The following FKBP1B variants were observed in gnomAD, a reference collection of about 807,000 sequenced individuals.
FKBP1B encodes peptidyl-prolyl cis-trans isomerase FKBP1B.
Under a neutral mutation model 13.5 loss-of-function variants are expected in FKBP1B, and 4 were observed. That is an observed-to-expected ratio of 0.30 (90% CI 0.15 to 0.68). The LOEUF (loss-of-function observed/expected upper bound fraction) is 0.68, where lower values mean the gene tolerates loss of function less well. Among genes scored for constraint, FKBP1B ranks in the 30% least tolerant of loss-of-function variants. FKBP1B has a pLI of 0.76. For synonymous variants in FKBP1B, 54 were observed against 53.6 expected (o/e 1.01, Z -0.03); for missense variants, 93 against 136.2 (o/e 0.68, Z 1.58).
At chr2:24,062,905 G>C in intron 3 of FKBP1B, 159 bp from the exon 4 acceptor site, 1 of 1,095,692 alleles carries the variant, frequency 9.1e-7, no homozygotes, top group African/African-American at 1.6e-5. Context: ...TGTTAAAGCT[G>C]TTAGCACGAT....
intron 2 of FKBP1B, chr2:24,054,237 G>A (rs1664018173): frequency 3.3e-6 from 2 of 602,698 alleles, no homozygotes; most frequent in Admixed American, 5.6e-5. Context: ...TGCAGGTATG[G>A]TGGAGCCCCT....
chr2:24,058,324 TG>T (rs1307226603), intron 2 of FKBP1B, among the ~76,000 whole-genome samples: 15 of 152,328 alleles, frequency 9.8e-5, no homozygotes, highest in African/African-American at 3.6e-4. Context: ...TTGATTTTTT[TG>T]TGTGTGGATT....
the FKBP1B span, chr2:24,039,178 C>A: frequency 1.2e-6 from 2 of 1,614,114 alleles, no homozygotes; most frequent in African/African-American, 2.7e-5. Flanking sequence ...TCTAATCTCA[C>A]AAGTCTGAGA....
chr2:24,061,357 G>A (rs577111928), intron 3 of FKBP1B, among the ~76,000 whole-genome samples: 36 of 152,306 alleles, frequency 2.4e-4, no homozygotes, highest in Admixed American at 1.6e-3. Context: ...GGGAGGCTGC[G>A]ACAGGAGAAT....
At chr2:24,037,399 T>A in the FKBP1B span, among the ~76,000 whole-genome samples, 1 of 152,236 alleles carries the variant, frequency 6.6e-6, no homozygotes, top group Non-Finnish European at 1.5e-5. Context: ...AACATGATTT[T>A]TTTTCTAAAT....
rs1294692338 is a variant in FKBP1B at position 24,053,933 on chromosome 2, TGTG to T, written c.73_75del (p.Val25del). On this transcript the variant is annotated inframe_deletion, in exon 2 of 4. Coordinates refer to ENST00000380986, the MANE Select transcript of FKBP1B (RefSeq NM_004116.5). ...CATTCCCCAAGAAGGGCCAAACGTG[TGTG>T]GTGCACTACACAGGTAAGTCTCACC... 6.2e-7 allele frequency: 1 copy of T among 1,614,196 alleles called. No individual in the cohort carries two copies. Among genetic ancestry groups the T allele is most frequent in the East Asian group, 2.2e-5 (1 of 44,888 alleles).
chr2:24,037,801 G>A, the FKBP1B span: 2 of 1,614,120 alleles, frequency 1.2e-6, no homozygotes, highest in South Asian at 1.1e-5. Context: ...CAGGTTCCTA[G>A]ATAAAATTTC....
chr2:24,036,506 T>C, the FKBP1B span, among the ~76,000 whole-genome samples: 66 of 152,270 alleles, frequency 4.3e-4, no homozygotes, highest in Non-Finnish European at 9.4e-4. Flanking sequence ...TAAGTAAAAA[T>C]CTTTGAGAGG....
intron 3 of FKBP1B, 165 bp from the exon 4 acceptor site, chr2:24,062,899 A>T: frequency 9.7e-7 from 1 of 1,027,842 alleles, no homozygotes; most frequent in Non-Finnish European, 1.4e-6. Flanking sequence ...TGCGTTTGTT[A>T]AAGCTGTTAG....
chr2:24,053,230 G>C (rs1473406877), intron 1 of FKBP1B, among the ~76,000 whole-genome samples: 2 of 151,256 alleles, frequency 1.3e-5, no homozygotes, highest in African/African-American at 2.4e-5. Context: ...TTCCACTTCA[G>C]CTTCTTCAGT....
chr2:24,044,729 AG>A, upstream of FKBP1B, among the ~76,000 whole-genome samples: 1 of 150,834 alleles, frequency 6.6e-6, no homozygotes, highest in East Asian at 2.0e-4. Flanking sequence ...CCTTTTTATT[AG>A]GGTAAAACAA....
the FKBP1B span, among the ~76,000 whole-genome samples, chr2:24,034,836 A>G: frequency 2.6e-5 from 4 of 152,214 alleles, no homozygotes; most frequent in South Asian, 4.1e-4. Context: ...CGGCCTCCCA[A>G]AGTTCTGGGG....
chr2:24,041,585 C>T, the FKBP1B span, among the ~76,000 whole-genome samples: 1 of 151,860 alleles, frequency 6.6e-6, no homozygotes, highest in Non-Finnish European at 1.5e-5. Context: ...ACACCCATTA[C>T]ACCCAAAGTG....
the FKBP1B span, chr2:24,037,574 A>T: frequency 7.8e-7 from 1 of 1,281,492 alleles, no homozygotes; most frequent in South Asian, 1.5e-5. Flanking sequence ...AGCTTAGTGA[A>T]GCTCAGTTAG....
chr2:24,057,064 A>G (rs546300402), intron 2 of FKBP1B, among the ~76,000 whole-genome samples: 1 of 152,242 alleles, frequency 6.6e-6, no homozygotes, highest in African/African-American at 2.4e-5. Context: ...GGTTATATCT[A>G]TCCCAAACAT....
chr2:24,053,183 C>T (rs1446977420), intron 1 of FKBP1B, among the ~76,000 whole-genome samples: 1 of 152,008 alleles, frequency 6.6e-6, no homozygotes, highest in Non-Finnish European at 1.5e-5. Flanking sequence ...ATGAACACAG[C>T]TCACTGCAGC....
chr2:24,038,502 C>T, the FKBP1B span: 18 of 1,614,078 alleles, frequency 1.1e-5, no homozygotes, highest in African/African-American at 2.7e-5. Flanking sequence ...TGACTTTTCT[C>T]GTCATGGTAA....
chr2:24,046,952 G>A (rs890418234), upstream of FKBP1B, among the ~76,000 whole-genome samples: 2 of 152,104 alleles, frequency 1.3e-5, no homozygotes, highest in Non-Finnish European at 2.9e-5. Context: ...TCAGTGAAGT[G>A]ACATAATGTA....
rs1047305630 is a variant in FKBP1B, at chr2:24,050,890, C to T, written c.37+1004C>T. ...TGGAGTACAGGCTTCTTTGCCCACGCAGGAAACATTGCTGCTGGGTCCCAG... is the reference window on the plus strand; with the variant it reads ...TGGAGTACAGGCTTCTTTGCCCACGTAGGAAACATTGCTGCTGGGTCCCAG... On this transcript the variant is annotated intron_variant, in intron 1 of 3. Transcript: ENST00000380986. This position sits in a 1 kb window ranked among gnomAD's most constrained non-coding sequence, Gnocchi z 5.8. Among the ~76,000 whole-genome samples the T allele has an allele frequency of 5.3e-5, 8 of 152,230 alleles. No individual in the cohort carries two copies. Among genetic ancestry groups the T allele is most frequent in the African/African-American group, 1.7e-4 (7 of 41,454 alleles).
Sources: allele counts gnomAD v4.1 joint callset (sites outside exome capture counted in the v4.1 genomes callset), GRCh38; gene constraint gnomAD v4.1.1; non-coding constraint Gnocchi (gnomAD v3.1); transcripts MANE v1.5; gene names NCBI Gene and HGNC (gene_info 2026-07-23, HGNC 2026-07-21).